Variants in PRSS12 observed in about 807,000 individuals in gnomAD.
PRSS12 encodes neurotrypsin.
A neutral mutation model predicts 104.4 loss-of-function variants in PRSS12; 85 were observed. The ratio of observed to expected loss-of-function variants is 0.81; its 90% CI spans 0.68 to 0.98. The LOEUF is 0.98. PRSS12 is among the 50% of genes least tolerant of loss of function. The probability of loss-of-function intolerance (pLI) is 0.00; values close to 1 mark genes in which losing one functional copy is unlikely to be tolerated. For synonymous variants in PRSS12, 454 were observed against 425.2 expected, an observed-to-expected ratio of 1.07 and a Z score of -0.83; for missense variants, 1,141 against 1,139.2, an observed-to-expected ratio of 1.00 and a Z score of -0.02.
At chr4:118,302,232 T>C (rs371880330) in intron 8 of PRSS12, among the ~76,000 whole-genome samples, 6 of 152,220 alleles carry the variant, frequency 3.9e-5, no homozygotes, top group African/African-American at 1.4e-4. Flanking sequence ...GGTGGTATAT[T>C]GCTCTTTTAA....
chr4:118,306,107 T>C (rs953617933), intron 8 of PRSS12: 3 of 152,208 alleles, frequency 2.0e-5, no homozygotes, highest in African/African-American at 7.2e-5. Flanking sequence ...GTAGTTCTAC[T>C]TTTAACTTTT....
chr4:118,350,491 T>C (rs1036835250), intron 1 of PRSS12, among the ~76,000 whole-genome samples: 3 of 152,216 alleles, frequency 2.0e-5, no homozygotes, highest in African/African-American at 7.2e-5. Flanking sequence ...CGTTTTCCTA[T>C]TTTTTTGTGG....
chr4:118,281,833 A>C lies in PRSS12; in HGVS notation c.*103T>G. ...ACAATTTTTTACCACAACACAAAGC[A>C]AAAACAGATCTTGCCATTTGTTGTC... On this transcript the variant is annotated 3_prime_UTR_variant, in exon 13 of 13. Transcript: ENST00000296498. 3.9e-6 allele frequency: 3 copies of C among 772,114 alleles called. No homozygotes were observed. Among genetic ancestry groups the C allele is most frequent in the Non-Finnish European group, 7.1e-6 (3 of 422,610 alleles). The allele number at this position is 772,114 out of a possible 1,614,324, so 47.8% of individuals were successfully genotyped here.
chr4:118,293,929 A>G (rs775640521), intron 11 of PRSS12, among the ~76,000 whole-genome samples: 1 of 152,224 alleles, frequency 6.6e-6, no homozygotes, highest in African/African-American at 2.4e-5. Context: ...ATTGTTTTCT[A>G]TCAATGAAAG....
chr4:118,338,518 C>T (rs1194953288), intron 1 of PRSS12, among the ~76,000 whole-genome samples: 11 of 152,214 alleles, frequency 7.2e-5, no homozygotes, highest in African/African-American at 1.4e-4. Context: ...AACATCCTGA[C>T]GTCAATGCTA....
At chr4:118,324,378 A>C (rs930543872) in intron 4 of PRSS12, among the ~76,000 whole-genome samples, 3 of 152,050 alleles carry the variant, frequency 2.0e-5, no homozygotes, top group African/African-American at 7.2e-5. Flanking sequence ...CTTTCATACA[A>C]TTTTTAGGCA....
chr4:118,344,661 T>C (rs1218859047), intron 1 of PRSS12, among the ~76,000 whole-genome samples: 1 of 152,112 alleles, frequency 6.6e-6, no homozygotes, highest in Non-Finnish European at 1.5e-5. Context: ...ACTTAAATGC[T>C]GAGAAAAAAA....
chr4:118,322,136 T>A (rs1486148439), intron 4 of PRSS12, among the ~76,000 whole-genome samples: 6 of 151,928 alleles, frequency 3.9e-5, no homozygotes, highest in African/African-American at 1.2e-4. Context: ...TAGAAAAATA[T>A]GTTTTAAATC....
intron 6 of PRSS12, among the ~76,000 whole-genome samples, chr4:118,314,693 T>A (rs757149704): frequency 1.1e-4 from 17 of 152,096 alleles, no homozygotes; most frequent in Non-Finnish European, 2.1e-4. Context: ...TCTAACACAA[T>A]CATTTAGAGC....
At chr4:118,335,281 G>T (rs2126041624) in intron 3 of PRSS12, among the ~76,000 whole-genome samples, 192 bp downstream of exon 3, 1 of 151,982 alleles carries the variant, frequency 6.6e-6, no homozygotes, top group Middle Eastern at 3.4e-3. Context: ...GATACCACTG[G>T]AAAATCAAAT....
chr4:118,317,995 TG>T (rs1723494561), intron 5 of PRSS12, among the ~76,000 whole-genome samples: 1 of 152,182 alleles, frequency 6.6e-6, no homozygotes, highest in Non-Finnish European at 1.5e-5. Context: ...AATCAACAAT[TG>T]CATCAATACC....
intron 8 of PRSS12, among the ~76,000 whole-genome samples, chr4:118,307,040 G>C (rs1743574100): frequency 1.3e-5 from 2 of 152,012 alleles, no homozygotes; most frequent in Non-Finnish European, 1.5e-5. Flanking sequence ...GAAATGTACT[G>C]GGAATGTAAT....
At chr4:118,290,995 G>A (rs1192248419) in intron 11 of PRSS12, among the ~76,000 whole-genome samples, 1 of 151,970 alleles carries the variant, frequency 6.6e-6, no homozygotes, top group Non-Finnish European at 1.5e-5. Context: ...AAAAAGGCAT[G>A]TAAGTACAAA....
chr4:118,349,394 A>ACCCT, intron 1 of PRSS12, among the ~76,000 whole-genome samples: 1 of 144,636 alleles, frequency 6.9e-6, no homozygotes, highest in Non-Finnish European at 1.5e-5. Context: ...ACAGAGAGAG[A>ACCCT]ACCTATCTCA....
At chr4:118,295,108 A>C (rs1353520852) in intron 10 of PRSS12, 47 bp from the exon 11 acceptor site, 4 of 1,602,836 alleles carry the variant, frequency 2.5e-6, no homozygotes, top group East Asian at 4.5e-5. Flanking sequence ...AAGGCAAAAA[A>C]GCAAAGGAAA....
chr4:118,324,153 G>A (rs764404921), intron 4 of PRSS12, among the ~76,000 whole-genome samples: 66 of 151,932 alleles, frequency 4.3e-4, no homozygotes, highest in Non-Finnish European at 5.7e-4. Context: ...GCCCACCTCA[G>A]CCTCTCAAAG....
rs778454527 is a variant in PRSS12 at position 118,294,995 on chromosome 4, G to A, written c.1983C>T (p.Cys661=). 2.3e-5 allele frequency: 37 copies of A among 1,613,988 alleles called. No individual in the cohort carries two copies. Among genetic ancestry groups the A allele is most frequent in the Non-Finnish European group, 2.5e-5 (30 of 1,180,004 alleles). Residue 661 remains cysteine (C), a synonymous_variant, in exon 11 of 13, where the codon TGC becomes TGT. Coordinates refer to ENST00000296498, the MANE Select transcript of PRSS12 (RefSeq NM_003619.4). ...AGCAGCTACTCAGGAGCGTAGCCCC[G>A]CAGAGGAGCCTGCCATCTCCATGGG... ...KSSHGDGRLL[C]GATLLSSCWV...
intron 4 of PRSS12, among the ~76,000 whole-genome samples, chr4:118,321,748 A>T (rs920493701): frequency 6.6e-6 from 1 of 152,238 alleles, no homozygotes; most frequent in African/African-American, 2.4e-5. Flanking sequence ...TTCATCCCCA[A>T]AAAGTAAAGT....
At chr4:118,286,590 T>A (rs1174263843) in intron 11 of PRSS12, among the ~76,000 whole-genome samples, 1 of 152,162 alleles carries the variant, frequency 6.6e-6, no homozygotes, top group African/African-American at 2.4e-5. Flanking sequence ...CACTATTGTA[T>A]CCTTAGCACC....
Sources: gnomAD v4.1 joint callset for allele counts (sites outside exome capture counted in the v4.1 genomes callset) on GRCh38, gnomAD v4.1.1 for gene constraint, MANE v1.5 for transcripts, NCBI Gene and HGNC (gene_info 2026-07-23, HGNC 2026-07-21) for gene names.